Variants in GALNT16 observed in about 807,000 individuals in gnomAD.
The protein encoded by GALNT16 is polypeptide N-acetylgalactosaminyltransferase 16, also known as UDP-GalNAc:polypeptide N-acetylgalactosaminyltransferase-like protein 1.
In GALNT16, 40 loss-of-function variants were observed where a neutral mutation model predicts 76.1. The ratio of observed to expected loss-of-function variants is 0.53; its 90% CI spans 0.41 to 0.68. The LOEUF (loss-of-function observed/expected upper bound fraction) is 0.68. Ranked by LOEUF, GALNT16 falls within the 30% of genes least tolerant of loss-of-function variation. GALNT16 has a pLI of 0.00. For missense variants in GALNT16, 621 were observed against 731.9 expected, an observed-to-expected ratio of 0.85 and a Z score of 1.75; for synonymous variants, 276 against 285.2, an observed-to-expected ratio of 0.97 and a Z score of 0.32.
At chr14:69,382,670 A>T in the GALNT16 span, among the ~76,000 whole-genome samples, 1 of 100,876 alleles carries the variant, frequency 9.9e-6, no homozygotes, top group African/African-American at 3.9e-5. Context: ...CGTCTCCACC[A>T]AAAAAAAAAA....
intron 1 of GALNT16, among the ~76,000 whole-genome samples, chr14:69,278,585 C>T (rs1380152659): frequency 1.3e-5 from 2 of 152,154 alleles, no homozygotes; most frequent in Admixed American, 6.5e-5. Context: ...TCTAGGATTT[C>T]ATTGTTGTCT....
At chr14:69,371,554 C>T in the GALNT16 span, among the ~76,000 whole-genome samples, 1 of 151,954 alleles carries the variant, frequency 6.6e-6, no homozygotes, top group East Asian at 1.9e-4. Flanking sequence ...CCACACCCGG[C>T]CTAACAGCAA....
At chr14:69,379,308 G>C in the GALNT16 span, among the ~76,000 whole-genome samples, 2 of 152,048 alleles carry the variant, frequency 1.3e-5, no homozygotes, top group Non-Finnish European at 2.9e-5. Context: ...AATTTTGTCA[G>C]GTACCCTAAA....
intron 3 of GALNT16, 148 bp from the exon 4 acceptor site, chr14:69,325,189 A>G (rs1353561363): frequency 3.1e-6 from 2 of 648,856 alleles, no homozygotes; most frequent in Non-Finnish European, 5.6e-6. Context: ...TCCTCAATGA[A>G]CTTAGACAAG....
chr14:69,342,022 G>T (rs1347450034), intron 12 of GALNT16, among the ~76,000 whole-genome samples: 1 of 152,200 alleles, frequency 6.6e-6, no homozygotes, highest in Non-Finnish European at 1.5e-5. Flanking sequence ...AAACAACACT[G>T]CATTACATAG....
the GALNT16 span, among the ~76,000 whole-genome samples, chr14:69,373,547 G>C: frequency 6.6e-6 from 1 of 152,202 alleles, no homozygotes; most frequent in Non-Finnish European, 1.5e-5. Context: ...GAAAGGGTAT[G>C]CTAGATATGT....
At chr14:69,335,411 T>C (rs2140183566) in intron 9 of GALNT16, among the ~76,000 whole-genome samples, 1 of 152,346 alleles carries the variant, frequency 6.6e-6, no homozygotes, top group East Asian at 1.9e-4. Flanking sequence ...TGACCCGCTT[T>C]GTGTCTTCAA....
chr14:69,334,467 G>A (rs568372807), intron 9 of GALNT16, among the ~76,000 whole-genome samples: 4 of 152,334 alleles, frequency 2.6e-5, no homozygotes, highest in Admixed American at 2.6e-4. Flanking sequence ...TAAAGGGTGA[G>A]CATCAGTTAG....
At chr14:69,302,550 C>A (rs938808562) in intron 1 of GALNT16, among the ~76,000 whole-genome samples, 1 of 151,976 alleles carries the variant, frequency 6.6e-6, no homozygotes, top group African/African-American at 2.4e-5. Flanking sequence ...ATTTTTAAAC[C>A]GAATCTTGCA....
chr14:69,299,367 C>T lies in GALNT16; in HGVS notation c.178-21344C>T, dbSNP rs565420094. On this transcript the variant is annotated intron_variant, in intron 1 of 14. Transcript: ENST00000448469. ...GGTTCCTAGGAAGCTGACTCGGAGACGGAGGTTTGCATGCAGCAAGTTTAT... is the reference window on the plus strand; with the variant it reads ...GGTTCCTAGGAAGCTGACTCGGAGATGGAGGTTTGCATGCAGCAAGTTTAT... Among the ~76,000 whole-genome samples the T allele has an allele frequency of 5.3e-5, 8 of 152,278 alleles. No individual in the cohort carries two copies. The South Asian group carries it at 1.2e-3, about 24-fold the overall frequency.
At chr14:69,359,196 G>A (rs2045709688), downstream of GALNT16, 1 of 152,150 alleles carries the variant, frequency 6.6e-6, no homozygotes, top group South Asian at 2.1e-4. Context: ...TTGCTGACAG[G>A]AACCACGCCT....
intron 14 of GALNT16, 70 bp downstream of exon 14, chr14:69,348,072 G>T (rs973433233): frequency 1.3e-6 from 2 of 1,525,638 alleles, no homozygotes; most frequent in Admixed American, 3.4e-5. Context: ...GGCAGACCTT[G>T]GCAGGAGAGC....
At chr14:69,279,686 A>G (rs1443716381) in intron 1 of GALNT16, among the ~76,000 whole-genome samples, 1 of 152,268 alleles carries the variant, frequency 6.6e-6, no homozygotes, top group Non-Finnish European at 1.5e-5. Flanking sequence ...GGACAGCTTC[A>G]CTGAGGGCTG....
chr14:69,375,355 A>G, the GALNT16 span, among the ~76,000 whole-genome samples: 1 of 152,248 alleles, frequency 6.6e-6, no homozygotes, highest in Non-Finnish European at 1.5e-5. Flanking sequence ...TGACAATCCG[A>G]GTCTTTTCAT....
the GALNT16 span, among the ~76,000 whole-genome samples, chr14:69,385,881 A>G: frequency 6.6e-6 from 1 of 152,166 alleles, no homozygotes; most frequent in Non-Finnish European, 1.5e-5. Flanking sequence ...CTTCCAGGAT[A>G]TCATTGCTCC....
At chr14:69,338,857 G>C (rs942982261) in intron 10 of GALNT16, 80 bp downstream of exon 10, 8 of 1,174,114 alleles carry the variant, frequency 6.8e-6, no homozygotes, top group Non-Finnish European at 9.6e-6. Flanking sequence ...TTATCACTAT[G>C]TGACTGTGGG....
At chr14:69,364,277 G>C in the GALNT16 span, among the ~76,000 whole-genome samples, 1 of 152,158 alleles carries the variant, frequency 6.6e-6, no homozygotes, top group Admixed American at 6.5e-5. The surrounding 1 kb of genome is among the most constrained non-coding windows in gnomAD (Gnocchi z 4.2). Context: ...AATTAGGTGA[G>C]GTTTGACCCA....
chr14:69,374,185 A>G, the GALNT16 span, among the ~76,000 whole-genome samples: 9,792 of 152,066 alleles, frequency 0.064, 372 homozygotes, highest in East Asian at 0.094. Flanking sequence ...AGCCCCTCCT[A>G]TCTCCTAGCC....
At chr14:69,262,370 A>G (rs931362194) in intron 1 of GALNT16, among the ~76,000 whole-genome samples, 1 of 152,140 alleles carries the variant, frequency 6.6e-6, no homozygotes, top group African/African-American at 2.4e-5. Context: ...ACATTTCTCA[A>G]GAGTCCCAGA....
Sources: allele counts gnomAD v4.1 joint callset (sites outside exome capture counted in the v4.1 genomes callset), GRCh38; gene constraint gnomAD v4.1.1; non-coding constraint Gnocchi (gnomAD v3.1); transcripts MANE v1.5; gene names NCBI Gene and HGNC (gene_info 2026-07-23, HGNC 2026-07-21).